Variants in TGM6 observed in about 807,000 individuals in gnomAD.
TGM6 encodes protein-glutamine gamma-glutamyltransferase 6.
In TGM6, 74 loss-of-function variants were observed where a neutral mutation model predicts 77.5. The observed-to-expected ratio is 0.96, with a 90% CI of 0.79 to 1.16. TGM6 has a LOEUF of 1.16. TGM6 is among the 50% of genes most tolerant of loss of function. The pLI, the probability that TGM6 is intolerant of heterozygous loss-of-function variation, is 0.00. For synonymous variants in TGM6, 383 were observed against 378.9 expected (o/e 1.01, Z -0.12); for missense variants, 968 against 940.2 (o/e 1.03, Z -0.39).
intron 10 of TGM6, among the ~76,000 whole-genome samples, chr20:2,421,057 G>A (rs2084852869): frequency 6.6e-6 from 1 of 151,944 alleles, no homozygotes; most frequent in Non-Finnish European, 1.5e-5. Flanking sequence ...TGCGATTTTG[G>A]CTCACTGCAA....
chr20:2,399,990 T>A (rs781701923), intron 6 of TGM6, among the ~76,000 whole-genome samples: 18 of 152,254 alleles, frequency 1.2e-4, no homozygotes, highest in South Asian at 4.1e-4. Context: ...TGCGGCTCCC[T>A]TGGCCTCCAG....
intron 1 of TGM6, among the ~76,000 whole-genome samples, chr20:2,393,998 A>C (rs535588173): frequency 6.6e-6 from 1 of 152,252 alleles, no homozygotes; most frequent in South Asian, 2.1e-4. Flanking sequence ...ACAGAACTTA[A>C]TGACCAAGAG....
chr20:2,417,672 A>T, intron 10 of TGM6, 99 bp downstream of exon 10: 1 of 1,315,264 alleles, frequency 7.6e-7, no homozygotes, highest in Admixed American at 2.0e-5. Context: ...ATTCATCCCC[A>T]GGAAGGAAGG....
At chr20:2,415,576 T>C (rs1302844046) in intron 9 of TGM6, among the ~76,000 whole-genome samples, 2 of 152,242 alleles carry the variant, frequency 1.3e-5, no homozygotes, top group South Asian at 2.1e-4. Flanking sequence ...GCAGTTTGTA[T>C]GGTGGTTTGA....
chr20:2,411,762 T>C (rs1325519337), intron 9 of TGM6, among the ~76,000 whole-genome samples: 3 of 152,154 alleles, frequency 2.0e-5, no homozygotes, highest in Admixed American at 6.5e-5. Context: ...AAAAATTAAC[T>C]GAAAATGGAT....
Position 2,417,576 on chromosome 20 carries a change from A to G in TGM6, c.1678+3A>G. 1 of 1,598,052 alleles carries G rather than the reference A, an allele frequency of 6.3e-7. No individual in the cohort carries two copies. The highest frequency in any genetic ancestry group is 8.5e-7 in the Non-Finnish European group (1 of 1,178,782). On this transcript the variant is annotated splice_donor_region_variant and intron_variant, in intron 10 of 12. Coordinates refer to ENST00000202625, the MANE Select transcript of TGM6 (RefSeq NM_198994.3). Reference sequence around the variant, plus strand: ...CGTGAGGCTGGGGCCGCAAGAAGGTAAGTGTACGCTGGCTTGGTGGAATCA... The same window carrying G: ...CGTGAGGCTGGGGCCGCAAGAAGGTGAGTGTACGCTGGCTTGGTGGAATCA...
chr20:2,399,107 C>G (rs568146176), intron 5 of TGM6, among the ~76,000 whole-genome samples: 1 of 150,204 alleles, frequency 6.7e-6, no homozygotes, highest in South Asian at 2.1e-4. Context: ...TGGGCAGGTC[C>G]CTGAATGCTT....
chr20:2,382,916 C>G (rs1004948538), intron 1 of TGM6, among the ~76,000 whole-genome samples: 1 of 152,174 alleles, frequency 6.6e-6, no homozygotes, highest in Admixed American at 6.5e-5. Flanking sequence ...AGGTGAGACC[C>G]TTTTGCCATG....
In TGM6 at chr20:2,399,751, A is replaced by G. The variant is rs746671871; in HGVS notation, c.850+13A>G. 6 of 1,611,180 alleles carry G rather than the reference A, an allele frequency of 3.7e-6. No individual in the cohort carries two copies. Among genetic ancestry groups the G allele is most frequent in the South Asian group, 1.1e-5 (1 of 90,944 alleles). On this transcript the variant is annotated intron_variant, in intron 6 of 12. Coordinates refer to ENST00000202625, the MANE Select transcript of TGM6 (RefSeq NM_198994.3). ...GTCCTGTGCACAGGTACCCTGGGAG[A>G]GAAGGGCCCCAGGGTACCTGTGCCC...
rs535704786 is a variant in TGM6, at chr20:2,421,997, T to C, written c.1678+4424T>C. Reference sequence around the variant, plus strand: ...AAACACAAAAAGTAGCTGGGCGTGGTGGTGGGTGCCTGTAATCCCAGCTAC... The same window carrying C: ...AAACACAAAAAGTAGCTGGGCGTGGCGGTGGGTGCCTGTAATCCCAGCTAC... On this transcript the variant is annotated intron_variant, in intron 10 of 12. Transcript: ENST00000202625. Among the ~76,000 whole-genome samples the C allele has an allele frequency of 4.6e-5, 7 of 152,118 alleles. No individual in the cohort carries two copies. In the South Asian group the frequency reaches 1.5e-3, roughly 32 times the overall value.
chr20:2,402,716 T>C (rs758500496), intron 7 of TGM6, among the ~76,000 whole-genome samples: 13 of 152,206 alleles, frequency 8.5e-5, no homozygotes, highest in Non-Finnish European at 1.3e-4. Context: ...TGATGTCATG[T>C]TTCCTACTCA....
intron 1 of TGM6, among the ~76,000 whole-genome samples, chr20:2,386,238 C>T (rs760751238): frequency 5.3e-5 from 8 of 152,224 alleles, no homozygotes; most frequent in Non-Finnish European, 7.3e-5. Context: ...ACCCCAGCCC[C>T]GGCTATTACA....
At chr20:2,430,694 T>C in intron 11 of TGM6, 94 bp downstream of exon 11, 1 of 1,601,180 alleles carries the variant, frequency 6.2e-7, no homozygotes, top group South Asian at 1.1e-5. Flanking sequence ...TTTGTGCCTT[T>C]AACTCCAGCT....
intron 1 of TGM6, among the ~76,000 whole-genome samples, chr20:2,384,754 G>GA (rs1209846979): frequency 6.6e-6 from 1 of 152,204 alleles, no homozygotes; most frequent in East Asian, 1.9e-4. Context: ...AAGACGATGA[G>GA]AGGGAGAAGG....
chr20:2,412,338 G>C (rs1004682862), intron 9 of TGM6, among the ~76,000 whole-genome samples: 1 of 152,130 alleles, frequency 6.6e-6, no homozygotes, highest in Non-Finnish European at 1.5e-5. Flanking sequence ...CTAAGATCTG[G>C]GGAGAATGGG....
intron 10 of TGM6, among the ~76,000 whole-genome samples, chr20:2,427,880 C>T (rs144916585): frequency 1.3e-5 from 2 of 152,242 alleles, no homozygotes; most frequent in East Asian, 3.9e-4. Flanking sequence ...CTCAGCCTCC[C>T]AAGTAGCTGA....
intron 2 of TGM6, 91 bp downstream of exon 2, chr20:2,394,716 C>T: frequency 7.1e-7 from 1 of 1,414,012 alleles, no homozygotes; most frequent in Non-Finnish European, 9.7e-7. Flanking sequence ...GTCAGCAGCT[C>T]AGGCTCTGGG....
chr20:2,411,776 G>A (rs977232583), intron 9 of TGM6, among the ~76,000 whole-genome samples: 141 of 152,144 alleles, frequency 9.3e-4, no homozygotes, highest in African/African-American at 3.4e-3. Flanking sequence ...AATGGATCAA[G>A]GGTCTAAATG....
At chr20:2,426,205 A>G (rs1364091885) in intron 10 of TGM6, among the ~76,000 whole-genome samples, 1 of 152,104 alleles carries the variant, frequency 6.6e-6, no homozygotes, top group Non-Finnish European at 1.5e-5. Context: ...CTTCTTGTGT[A>G]GATCTTGTAC....
Sources: gnomAD v4.1 joint callset for allele counts (sites outside exome capture counted in the v4.1 genomes callset) on GRCh38, gnomAD v4.1.1 for gene constraint, MANE v1.5 for transcripts, NCBI Gene and HGNC (gene_info 2026-07-23, HGNC 2026-07-21) for gene names.